The following CYP8B1 variants were observed in gnomAD, a reference collection of about 807,000 sequenced individuals.
The protein encoded by CYP8B1 is 7-alpha-hydroxycholest-4-en-3-one 12-alpha-hydroxylase.
For synonymous variants in CYP8B1, 221 were observed against 251.2 expected (o/e 0.88, Z 1.14); for missense variants, 594 against 643.7 (o/e 0.92, Z 0.84).
Position 42,875,466 on chromosome 3 carries a change from T to G in CYP8B1, c.351A>C (p.Gln117His), listed in dbSNP as rs751384966. 25 of 1,596,190 alleles carry G rather than the reference T, an allele frequency of 1.6e-5. No homozygotes were observed. The South Asian group carries it at 2.8e-4, about 18-fold the overall frequency. Residue 117 changes from glutamine to histidine, a missense_variant, in exon 1 of 1, where the codon CAA becomes CAC. By Grantham distance (24) the Gln-to-His change is conservative. Transcript: ENST00000316161. The stretch of plus-strand genomic sequence containing the variant: ...CTGAGTGTATCATCTCATGGTCCCC[T>G]TGCACTGAACGGTATCCAAATACCT... ...VLKVFGYRSVQGDHEMIHSAS... is the reference protein window; with the variant it reads ...VLKVFGYRSVHGDHEMIHSAS...
rs150090141 is a variant in CYP8B1 at position 42,875,259 on chromosome 3, G to A, written c.558C>T (p.Phe186=). The part of the protein sequence containing the change: ...ILFTAGYLSL[F]GYTKDKEQDL... Reference sequence around the variant, plus strand: ...CCTGCTCCTTGTCCTTCGTGTAGCCGAACAAGCTCAGGTAGCCAGCTGTGA... The same window carrying A: ...CCTGCTCCTTGTCCTTCGTGTAGCCAAACAAGCTCAGGTAGCCAGCTGTGA... Residue 186 remains phenylalanine (F), a synonymous_variant, in exon 1 of 1, where the codon TTC becomes TTT. Transcript: ENST00000316161. 5 of 1,596,706 alleles carry A rather than the reference G, an allele frequency of 3.1e-6. No individual in the cohort carries two copies. The highest frequency in any genetic ancestry group is 2.7e-5 in the African/African-American group (2 of 74,656).
In CYP8B1 at chr3:42,875,485, A is replaced by G. The variant is rs563690413; in HGVS notation, c.332T>C (p.Phe111Ser). Residue 111 changes from phenylalanine to serine, a missense_variant, in exon 1 of 1, where the codon TTT (phenylalanine) becomes TCT (serine). Transcript: ENST00000316161. The stretch of plus-strand genomic sequence containing the variant: ...GTCCCCTTGCACTGAACGGTATCCA[A>G]ATACCTTCAGCACCAGTTTTTTTGC... ...QYAKKLVLKV[F>S]GYRSVQGDHE... is the part of the protein sequence containing the mutation. 25 of 1,566,524 alleles carry G rather than the reference A, an allele frequency of 1.6e-5. 1 individual carries two copies. The South Asian group carries it at 2.2e-4, about 14-fold the overall frequency.
Position 42,874,477 on chromosome 3 carries a change from A to C in CYP8B1, c.1340T>G (p.Leu447Arg). 1 of 1,614,074 alleles carries C rather than the reference A, an allele frequency of 6.2e-7. No homozygotes were observed. The highest frequency in any genetic ancestry group is 8.5e-7 in the Non-Finnish European group (1 of 1,180,012). Residue 447 changes from leucine (L) to arginine (R), a missense_variant, in exon 1 of 1, where the codon CTC (leucine) becomes CGC (arginine). Physicochemically the swap from Leu to Arg is moderately radical, Grantham distance 102. Coordinates refer to ENST00000316161, the MANE Select transcript of CYP8B1 (RefSeq NM_004391.3). ...CAGGATAAAGAGCTTCACCTCACTGAGTGCAAAGAACCTCCCAGGGCAGAT... is the reference window on the plus strand; with the variant it reads ...CAGGATAAAGAGCTTCACCTCACTGCGTGCAAAGAACCTCCCAGGGCAGAT... Reference protein sequence around the residue: ...VSICPGRFFALSEVKLFILLM... With the variant: ...VSICPGRFFARSEVKLFILLM...
In CYP8B1 at chr3:42,874,138, C is replaced by T; in HGVS notation, c.*173G>A. 1 of 608,902 alleles carries T rather than the reference C, an allele frequency of 1.6e-6. No homozygotes were observed. The highest frequency in any genetic ancestry group is 2.9e-6 in the Non-Finnish European group (1 of 346,032). The allele number at this position is 608,902 out of a possible 1,614,324, so 37.7% of individuals were successfully genotyped here. A position where few individuals can be genotyped will look rare whatever the true frequency, so the allele number is the denominator to read the frequency against. ...ATGGTATTTTAAAGAGAATGATAAG[C>T]CTGTCAGATGACTAGGCGGGGAGAG... On this transcript the variant is annotated 3_prime_UTR_variant, in exon 1 of 1. Transcript: ENST00000316161.
rs1413684353 is a variant in CYP8B1 at position 42,874,719 on chromosome 3, C to T, written c.1098G>A (p.Leu366=). The T allele has an allele frequency of 1.9e-6, 3 of 1,613,956 alleles. No homozygotes were observed. Among genetic ancestry groups the T allele is most frequent in the Admixed American group, 1.7e-5 (1 of 60,004 alleles). Residue 366 remains leucine (L), a synonymous_variant, in exon 1 of 1, where the codon CTG becomes CTA. Coordinates refer to ENST00000316161, the MANE Select transcript of CYP8B1 (RefSeq NM_004391.3). The part of the protein sequence containing the change: ...LLRLVHEDYT[L]KMSSGQEYLF... ...GATACTCCTGCCCACTGGACATCTT[C>T]AGGGTATAGTCTTCATGAACCAACC... is the stretch of plus-strand genomic sequence containing the variant.
Position 42,874,225 on chromosome 3 carries a change from G to A in CYP8B1, c.*86C>T, listed in dbSNP as rs1559697408. ...AGGACCAGAGGGAGGGGTGGCCAGT[G>A]GGGTCTTGGGGCTGCAGAGGGGTGA... On this transcript the variant is annotated 3_prime_UTR_variant, in exon 1 of 1. Coordinates refer to ENST00000316161, the MANE Select transcript of CYP8B1 (RefSeq NM_004391.3). The A allele has an allele frequency of 8.0e-7, 1 of 1,242,494 alleles. No homozygotes were observed. Among genetic ancestry groups the A allele is most frequent in the East Asian group, 2.4e-5 (1 of 41,272 alleles). The allele number at this position is 1,242,494 out of a possible 1,614,324, so 77.0% of individuals were successfully genotyped here.
rs1163849352 is a variant in CYP8B1 at position 42,873,174 on chromosome 3, C to T, written c.*1137G>A. 1.3e-5 allele frequency: 2 copies of T among 152,118 alleles called. No homozygotes were observed. The highest frequency in any genetic ancestry group is 4.8e-5 in the African/African-American group (2 of 41,386). The allele number at this position is 152,118 out of a possible 1,614,324, so 9.4% of individuals were successfully genotyped here. ...GAGGAGGCCGGCCAAAATGGTGAAA[C>T]GCCGTCTCTACTAAAAATACAGAAA... is the stretch of plus-strand genomic sequence containing the variant. On this transcript the variant is annotated 3_prime_UTR_variant, in exon 1 of 1. Coordinates refer to ENST00000316161, the MANE Select transcript of CYP8B1 (RefSeq NM_004391.3).
rs2088487888 is a variant in CYP8B1 at position 42,873,354 on chromosome 3, A to T, written c.*957T>A. 6.6e-6 allele frequency: 1 copy of T among 151,748 alleles called. No homozygotes were observed. The highest frequency in any genetic ancestry group is 1.5e-5 in the Non-Finnish European group (1 of 67,994). The allele number at this position is 151,748 out of a possible 1,614,324, so 9.4% of individuals were successfully genotyped here. A position where few individuals can be genotyped will look rare whatever the true frequency, so the allele number is the denominator to read the frequency against. ...ACAGAGTGAGACTCTGTCTCAAAAA[A>T]AAAAAAAGGTATCATTTCTCTAGAC... On this transcript the variant is annotated 3_prime_UTR_variant, in exon 1 of 1. Coordinates refer to ENST00000316161, the MANE Select transcript of CYP8B1 (RefSeq NM_004391.3).
Position 42,875,715 on chromosome 3 carries a change from A to G in CYP8B1, c.102T>C (p.Pro34=), listed in dbSNP as rs756647713. ...MLRQRRPWEP[P]LDKGTVPWLG... ...GCCAGGGCACGGTACCCTTGTCCAG[A>G]GGGGGCTCCCATGGCCTGCGTTGTC... The change falls in exon 1 of 1, where the codon CCT becomes CCC. Residue 34 remains proline (P), a synonymous_variant. Transcript: ENST00000316161. The G allele has an allele frequency of 5.4e-6, 8 of 1,471,644 alleles. No homozygotes were observed. The South Asian group carries it at 1.2e-4, about 23-fold the overall frequency. 91.2% of individuals were successfully genotyped at this position (1,471,644 alleles called of 1,614,324 possible).
In CYP8B1 at chr3:42,875,612, T is replaced by G. The variant is rs1227998194; in HGVS notation, c.205A>C (p.Thr69Pro). ...AAGTACTGGCCCCCTAGCTGCACTG[T>G]GAACACATCCCCATGCTTGGTCCTC... ...RMRTKHGDVF[T>P]VQLGGQYFTF... Residue 69 changes from threonine (T) to proline (P), a missense_variant, in exon 1 of 1, where the codon ACA becomes CCA. Thr to Pro is a conservative substitution (Grantham distance 38). Coordinates refer to ENST00000316161, the MANE Select transcript of CYP8B1 (RefSeq NM_004391.3). 35 of 1,498,220 alleles carry G rather than the reference T, an allele frequency of 2.3e-5. No homozygotes were observed. Among genetic ancestry groups the G allele is most frequent in the Non-Finnish European group, 3.0e-5 (34 of 1,123,582 alleles). The allele number at this position is 1,498,220 out of a possible 1,614,324, so 92.8% of individuals were successfully genotyped here.
rs766525411 is a variant in CYP8B1, at chr3:42,875,584, G to T, written c.233C>A (p.Thr78Asn). The change falls in exon 1 of 1, where the codon ACC (threonine) becomes AAC (asparagine). Residue 78 changes from threonine to asparagine, a missense_variant. Thr to Asn is a moderately conservative substitution (Grantham distance 65). Coordinates refer to ENST00000316161, the MANE Select transcript of CYP8B1 (RefSeq NM_004391.3). The stretch of plus-strand genomic sequence containing the variant: ...AAAGGAGAGGGGGTCCATGACGAAG[G>T]TGAAGTACTGGCCCCCTAGCTGCAC... ...FTVQLGGQYF[T>N]FVMDPLSFGS... 1 of 1,509,684 alleles carries T rather than the reference G, an allele frequency of 6.6e-7. No homozygotes were observed. The highest frequency in any genetic ancestry group is 8.9e-7 in the Non-Finnish European group (1 of 1,127,938). The allele number at this position is 1,509,684 out of a possible 1,614,324, so 93.5% of individuals were successfully genotyped here. A position where few individuals can be genotyped will look rare whatever the true frequency, so the allele number is the denominator to read the frequency against.
rs543245438 is a variant in CYP8B1, at chr3:42,874,643, T to G, written c.1174A>C (p.Met392Leu). ...GGCTCAGGGTGGATGTCAGGGTCCA[T>G]GTGCACTGAGAGGTAGGGAAAGAGG... ...LALFPYLSVH[M>L]DPDIHPEPTV... The change falls in exon 1 of 1, where the codon ATG becomes CTG. Residue 392 changes from methionine (M) to leucine (L), a missense_variant. Physicochemically the swap from Met to Leu is conservative, Grantham distance 15. Coordinates refer to ENST00000316161, the MANE Select transcript of CYP8B1 (RefSeq NM_004391.3). 8.7e-6 allele frequency: 14 copies of G among 1,614,028 alleles called. No individual in the cohort carries two copies. The East Asian group carries it at 3.1e-4, about 36-fold the overall frequency.
rs556341607 is a variant in CYP8B1, at chr3:42,874,925, G to A, written c.892C>T (p.Leu298Phe). ...CGAATAGCTTCTGGGTGCTTCAGGAGGTACAAGAGGGCCCAGAAAGAGGTA... is the reference window on the plus strand; with the variant it reads ...CGAATAGCTTCTGGGTGCTTCAGGAAGTACAAGAGGGCCCAGAAAGAGGTA... ...GPTSFWALLYLLKHPEAIRAV... is the reference protein window; with the variant it reads ...GPTSFWALLYFLKHPEAIRAV... Residue 298 changes from leucine (L) to phenylalanine (F), a missense_variant, in exon 1 of 1, where the codon CTC (leucine) becomes TTC (phenylalanine). By Grantham distance (22) the Leu-to-Phe change is conservative. Transcript: ENST00000316161. 4 of 1,606,718 alleles carry A rather than the reference G, an allele frequency of 2.5e-6. No individual in the cohort carries two copies. The South Asian group carries it at 3.3e-5, about 13-fold the overall frequency.
In CYP8B1 at chr3:42,875,773, A is replaced by T; in HGVS notation, c.44T>A (p.Ile15Asn). 1 of 1,421,424 alleles carries T rather than the reference A, an allele frequency of 7.0e-7. No individual in the cohort carries two copies. Among genetic ancestry groups the T allele is most frequent in the Non-Finnish European group, 9.2e-7 (1 of 1,084,822 alleles). 88.1% of individuals were successfully genotyped at this position (1,421,424 alleles called of 1,614,324 possible). A position where few individuals can be genotyped will look rare whatever the true frequency, so the allele number is the denominator to read the frequency against. Residue 15 changes from isoleucine to asparagine, a missense_variant, in exon 1 of 1, where the codon ATT (isoleucine) becomes AAT (asparagine). Transcript: ENST00000316161. ...CCCTGGCAGGCACAGGTATCCAGCA[A>T]TGACCACCAGCAGAGCTCCCAGCAC... ...GPVLGALLVV[I>N]AGYLCLPGML...
In CYP8B1 at chr3:42,873,383, TGC is replaced by T. The variant is rs2088488260; in HGVS notation, c.*926_*927del. ...AAAAGGTATCATTTCTCTAGACCTG[TGC>T]TATCCAATAGGGCAGCCACCTGCCA... On this transcript the variant is annotated 3_prime_UTR_variant, in exon 1 of 1. Transcript: ENST00000316161. The T allele has an allele frequency of 6.6e-6, 1 of 151,168 alleles. No individual in the cohort carries two copies. The highest frequency in any genetic ancestry group is 1.5e-5 in the Non-Finnish European group (1 of 68,004). 9.4% of individuals were successfully genotyped at this position (151,168 alleles called of 1,614,324 possible).
Position 42,875,421 on chromosome 3 carries a change from C to G in CYP8B1, c.396G>C (p.Arg132Ser). ...CATTAAGATCCTTCAAGCCATCCCC[C>G]CTCAGATGCTTGGTGCTGGCTGAGT... ...MIHSASTKHLRGDGLKDLNET... is the reference protein window; with the variant it reads ...MIHSASTKHLSGDGLKDLNET... Residue 132 changes from arginine to serine, a missense_variant, in exon 1 of 1, where the codon AGG becomes AGC. Coordinates refer to ENST00000316161, the MANE Select transcript of CYP8B1 (RefSeq NM_004391.3). 1.2e-6 allele frequency: 2 copies of G among 1,613,496 alleles called. No individual in the cohort carries two copies. Among genetic ancestry groups the G allele is most frequent in the Non-Finnish European group, 1.7e-6 (2 of 1,179,532 alleles).
In CYP8B1 at chr3:42,874,884, T is replaced by C. The variant is rs550085484; in HGVS notation, c.933A>G (p.Glu311=). The change falls in exon 1 of 1, where the codon GAA becomes GAG. Residue 311 remains glutamate (E), a synonymous_variant. Coordinates refer to ENST00000316161, the MANE Select transcript of CYP8B1 (RefSeq NM_004391.3). The stretch of plus-strand genomic sequence containing the variant: ...TGGCCTCACCCAGGACCTGGGTAGC[T>C]TCCTCCCTCACAGCCCGAATAGCTT... ...HPEAIRAVRE[E]ATQVLGEARL... is the part of the protein sequence containing the mutation. 7 of 1,598,594 alleles carry C rather than the reference T, an allele frequency of 4.4e-6. No homozygotes were observed. In the African/African-American group the frequency reaches 9.4e-5, roughly 21 times the overall value.
Position 42,874,400 on chromosome 3 carries a change from G to A in CYP8B1, c.1417C>T (p.Pro473Ser), listed in dbSNP as rs776132074. ...CCCCAGCGCTGCGGGTCAACATGGG[G>A]TAGTGGTGTGTCAGGGTCCACCAAC... ...LELVDPDTPL[P>S]HVDPQRWGFG... Residue 473 changes from proline (P) to serine (S), a missense_variant, in exon 1 of 1, where the codon CCC (proline) becomes TCC (serine). Coordinates refer to ENST00000316161, the MANE Select transcript of CYP8B1 (RefSeq NM_004391.3). 11 of 1,614,158 alleles carry A rather than the reference G, an allele frequency of 6.8e-6. No individual in the cohort carries two copies. The highest frequency in any genetic ancestry group is 7.6e-6 in the Non-Finnish European group (9 of 1,180,016).
At position 42,875,699 on chromosome 3, in the gene CYP8B1, C is replaced by T. The variant is rs755128258; in HGVS notation, c.118G>A (p.Val40Met). ...GCCATGGCATGGCCAAGCCAGGGCA[C>T]GGTACCCTTGTCCAGAGGGGGCTCC... is the stretch of plus-strand genomic sequence containing the variant. ...PWEPPLDKGT[V>M]PWLGHAMAFR... Residue 40 changes from valine (V) to methionine (M), a missense_variant, in exon 1 of 1, where the codon GTG becomes ATG. Val to Met is a conservative substitution (Grantham distance 21). Transcript: ENST00000316161. 23 of 1,486,254 alleles carry T rather than the reference C, an allele frequency of 1.5e-5. No individual in the cohort carries two copies. The highest frequency in any genetic ancestry group is 5.9e-5 in the South Asian group (4 of 67,930). 92.1% of individuals were successfully genotyped at this position (1,486,254 alleles called of 1,614,324 possible).
Sources: allele counts gnomAD v4.1 joint callset, GRCh38; gene constraint gnomAD v4.1.1; transcripts MANE v1.5; gene names NCBI Gene and HGNC (gene_info 2026-07-23, HGNC 2026-07-21).